The following ROBO2 variants were observed in gnomAD, a reference collection of about 807,000 sequenced individuals.
ROBO2 encodes roundabout homolog 2.
ROBO2 carries 53 observed loss-of-function variants against 160.8 expected under a neutral mutation model. The ratio of observed to expected loss-of-function variants is 0.33; its 90% CI spans 0.26 to 0.41. The LOEUF (loss-of-function observed/expected upper bound fraction) is 0.41. Ranked by LOEUF, ROBO2 falls within the 10% of genes least tolerant of loss-of-function variation. ROBO2 has a pLI of 1.00. For synonymous variants in ROBO2, 664 were observed against 611.7 expected (o/e 1.09, Z -1.26); for missense variants, 1,577 against 1,722.4 (o/e 0.92, Z 1.49).
intron 2 of ROBO2, among the ~76,000 whole-genome samples, chr3:76,411,390 A>G (rs972852013): frequency 6.6e-6 from 1 of 152,156 alleles, no homozygotes; most frequent in African/African-American, 2.4e-5. Context: ...TACAAAATAA[A>G]TTGAAATAAC....
chr3:77,414,893 A>G (rs1354674942), intron 2 of ROBO2, among the ~76,000 whole-genome samples: 1 of 152,210 alleles, frequency 6.6e-6, no homozygotes, highest in Non-Finnish European at 1.5e-5. Context: ...CAATTTATAT[A>G]AATAGAGAAT....
intron 2 of ROBO2, among the ~76,000 whole-genome samples, chr3:76,140,094 TTAAC>T (rs10611278): frequency 0.29 from 44,329 of 151,822 alleles, 6,746 homozygotes; most frequent in Non-Finnish European, 0.33. Flanking sequence ...GTTTGTGCCT[TTAAC>T]TAGGCAGCTT....
intron 2 of ROBO2, among the ~76,000 whole-genome samples, chr3:76,025,439 C>A (rs973256187): frequency 2.6e-5 from 4 of 151,616 alleles, no homozygotes; most frequent in Admixed American, 6.6e-5. Context: ...AAGTGAAGGG[C>A]AGGGTGAAAA....
intron 2 of ROBO2, among the ~76,000 whole-genome samples, chr3:76,887,637 T>G (rs147950841): frequency 1.3e-3 from 195 of 152,246 alleles, no homozygotes; most frequent in South Asian, 5.2e-3. Context: ...CATAGTTCTC[T>G]CAAAAATATT....
At chr3:76,556,450 G>C (rs2083795290) in intron 2 of ROBO2, among the ~76,000 whole-genome samples, 1 of 152,128 alleles carries the variant, frequency 6.6e-6, no homozygotes, top group Non-Finnish European at 1.5e-5. Flanking sequence ...TAAGGGAGGA[G>C]AGGCAAAATA....
intron 1 of ROBO2, among the ~76,000 whole-genome samples, chr3:77,092,929 G>T (rs1444708197): frequency 2.0e-5 from 3 of 151,632 alleles, no homozygotes; most frequent in Non-Finnish European, 4.4e-5. Flanking sequence ...AATTAAAAAT[G>T]AACTTTGTAA....
intron 2 of ROBO2, among the ~76,000 whole-genome samples, chr3:76,954,120 G>A (rs2079109380): frequency 6.6e-6 from 1 of 152,134 alleles, no homozygotes; most frequent in Non-Finnish European, 1.5e-5. Context: ...TTAGGCAGCA[G>A]AATTAAATTG....
intron 2 of ROBO2, among the ~76,000 whole-genome samples, chr3:77,253,891 T>G (rs908221416): frequency 6.6e-6 from 1 of 152,226 alleles, no homozygotes; most frequent in Non-Finnish European, 1.5e-5. Context: ...CTGTAATATT[T>G]GAAATATTTT....
intron 1 of ROBO2, among the ~76,000 whole-genome samples, chr3:77,051,215 T>A (rs1001557979): frequency 2.2e-4 from 33 of 152,294 alleles, no homozygotes; most frequent in African/African-American, 7.9e-4. Flanking sequence ...CCCACCTTTC[T>A]GATTTGAAAG....
At chr3:76,492,096 G>A (rs1358302255) in intron 2 of ROBO2, among the ~76,000 whole-genome samples, 2 of 151,846 alleles carry the variant, frequency 1.3e-5, no homozygotes, top group Non-Finnish European at 1.5e-5. Flanking sequence ...CAGCCTGGGC[G>A]ACAGAGCAAG....
Position 76,867,247 on chromosome 3 carries a change from G to A in ROBO2, c.110-230767G>A, listed in dbSNP as rs565222396. 4.6e-5 allele frequency among the ~76,000 whole-genome samples: 7 copies of A among 152,082 alleles called. No homozygotes were observed. The East Asian group carries it at 5.8e-4, about 13-fold the overall frequency. On this transcript the variant is annotated intron_variant, in intron 2 of 26. Transcript: ENST00000487694. ...TTGTTCAGTGAAAAACTTGTCATTC[G>A]GGCTGTCATAAAGCATTCGTTTATT...
intron 17 of ROBO2, among the ~76,000 whole-genome samples, chr3:77,594,834 G>A (rs186136600): frequency 1.2e-4 from 19 of 152,182 alleles, no homozygotes; most frequent in Admixed American, 5.2e-4. Flanking sequence ...ATGCTACGTT[G>A]ATCTTGCAAT....
intron 2 of ROBO2, among the ~76,000 whole-genome samples, chr3:76,305,617 G>T (rs567415157): frequency 6.6e-6 from 1 of 151,550 alleles, no homozygotes; most frequent in East Asian, 2.0e-4. Context: ...AAATTAGCTG[G>T]GTGTGGTGGT....
At chr3:77,031,255 A>G (rs915499923) in intron 2 of ROBO2, among the ~76,000 whole-genome samples, 1 of 151,992 alleles carries the variant, frequency 6.6e-6, no homozygotes, top group Non-Finnish European at 1.5e-5. Context: ...TATAACAAGA[A>G]ATAGCCGTTT....
At chr3:76,662,001 T>G (rs2091842269) in intron 2 of ROBO2, among the ~76,000 whole-genome samples, 1 of 152,222 alleles carries the variant, frequency 6.6e-6, no homozygotes, top group Admixed American at 6.5e-5. Context: ...ATCTTGTTTC[T>G]ACAAAGAGTG....
intron 21 of ROBO2, among the ~76,000 whole-genome samples, chr3:77,609,817 T>C (rs969245597): frequency 4.7e-5 from 7 of 148,218 alleles, no homozygotes; most frequent in East Asian, 2.0e-4. Flanking sequence ...TATATTTATA[T>C]GTATGTATGT....
intron 2 of ROBO2, among the ~76,000 whole-genome samples, chr3:76,114,910 G>C (rs1428746751): frequency 6.6e-6 from 1 of 151,966 alleles, no homozygotes; most frequent in Non-Finnish European, 1.5e-5. Context: ...AATTGTCTTG[G>C]GCACTCAGAA....
chr3:76,244,719 A>AG (rs1004054919), intron 2 of ROBO2, among the ~76,000 whole-genome samples: 1 of 152,252 alleles, frequency 6.6e-6, no homozygotes, highest in African/African-American at 2.4e-5. Context: ...TGAGGCAAAA[A>AG]GAAAAGTATG....
chr3:76,832,208 T>C (rs972783106), intron 2 of ROBO2, among the ~76,000 whole-genome samples: 13 of 152,226 alleles, frequency 8.5e-5, no homozygotes, highest in African/African-American at 3.1e-4. Flanking sequence ...GCTTCCATGC[T>C]ATATCCAAAG....
Sources: allele counts gnomAD v4.1 joint callset (sites outside exome capture counted in the v4.1 genomes callset), GRCh38; gene constraint gnomAD v4.1.1; transcripts MANE v1.5; gene names NCBI Gene and HGNC (gene_info 2026-07-23, HGNC 2026-07-21).